The following MICU1 variants were observed in gnomAD, a reference collection of about 807,000 sequenced individuals.
MICU1 encodes the protein mitochondrial calcium uptake 1.
In MICU1, 45 loss-of-function variants were observed where a neutral mutation model predicts 56.8. The ratio of observed to expected loss-of-function variants is 0.79; its 90% CI spans 0.62 to 1.02. The LOEUF (loss-of-function observed/expected upper bound fraction) is 1.02. Ranked by LOEUF, MICU1 falls within the 50% of genes least tolerant of loss-of-function variation. The pLI is 0.00. For synonymous variants in MICU1, 186 were observed against 195.1 expected (o/e 0.95, Z 0.39); for missense variants, 504 against 587.1 (o/e 0.86, Z 1.46).
intron 5 of MICU1, among the ~76,000 whole-genome samples, chr10:72,525,282 T>C (rs1420134999): frequency 1.3e-5 from 2 of 152,048 alleles, no homozygotes; most frequent in African/African-American, 4.8e-5. Context: ...TTTCAATAAA[T>C]AAACTTCACT....
intron 1 of MICU1, among the ~76,000 whole-genome samples, chr10:72,592,572 TAA>T (rs1436900857): frequency 1.3e-5 from 2 of 152,100 alleles, no homozygotes; most frequent in East Asian, 3.8e-4. Context: ...GTAAAAATCC[TAA>T]ACAAAATACC....
intron 8 of MICU1, among the ~76,000 whole-genome samples, chr10:72,431,094 G>A (rs367565086): frequency 0.018 from 2,590 of 141,434 alleles, 33 homozygotes; most frequent in African/African-American, 0.039. Flanking sequence ...TTATCTGTCT[G>A]TCTATCTATC....
chr10:72,552,858 T>C (rs969437339), intron 3 of MICU1, among the ~76,000 whole-genome samples: 27 of 152,102 alleles, frequency 1.8e-4, no homozygotes, highest in African/African-American at 5.8e-4. Flanking sequence ...CCAGCCTTTA[T>C]TGATATTTTA....
At chr10:72,450,102 GT>G (rs1041207186) in intron 8 of MICU1, among the ~76,000 whole-genome samples, 1 of 152,076 alleles carries the variant, frequency 6.6e-6, no homozygotes, top group African/African-American at 2.4e-5. Context: ...CTCAGGGAGT[GT>G]TTGCAGAGAG....
At chr10:72,487,275 G>C (rs1353633420) in intron 6 of MICU1, among the ~76,000 whole-genome samples, 3 of 151,952 alleles carry the variant, frequency 2.0e-5, no homozygotes, top group Admixed American at 2.0e-4. Flanking sequence ...CATCTCAATT[G>C]GTTTAGCACA....
At chr10:72,497,115 G>A (rs572939507) in intron 6 of MICU1, among the ~76,000 whole-genome samples, 28 of 151,514 alleles carry the variant, frequency 1.8e-4, no homozygotes, top group Non-Finnish European at 3.8e-4. Context: ...GCTGGAGTGT[G>A]GTGGCGCCAT....
At chr10:72,382,557 G>C (rs1279979687) in intron 10 of MICU1, among the ~76,000 whole-genome samples, 1 of 152,136 alleles carries the variant, frequency 6.6e-6, no homozygotes, top group Non-Finnish European at 1.5e-5. Flanking sequence ...GAAGGTGCAG[G>C]GGGTGAGTAC....
At chr10:72,559,597 G>C (rs1218960476) in intron 3 of MICU1, among the ~76,000 whole-genome samples, 1 of 152,120 alleles carries the variant, frequency 6.6e-6, no homozygotes, top group African/African-American at 2.4e-5. Context: ...AGGCCAAGGT[G>C]GGAGGATTGC....
intron 1 of MICU1, among the ~76,000 whole-genome samples, chr10:72,622,400 C>T (rs971188110): frequency 6.6e-6 from 1 of 152,134 alleles, no homozygotes; most frequent in African/African-American, 2.4e-5. Flanking sequence ...CCTCTCCTTC[C>T]CACTCCAGGA....
At chr10:72,446,366 C>T (rs1308300881) in intron 8 of MICU1, among the ~76,000 whole-genome samples, 4 of 152,212 alleles carry the variant, frequency 2.6e-5, no homozygotes, top group Admixed American at 1.3e-4. Context: ...CTCACTCTGT[C>T]GCCCAGCAGG....
intron 1 of MICU1, among the ~76,000 whole-genome samples, chr10:72,609,100 C>T (rs1031581899): frequency 8.5e-5 from 13 of 152,098 alleles, no homozygotes; most frequent in African/African-American, 3.1e-4. Context: ...GCATATGCTA[C>T]AATATGGATA....
chr10:72,598,261 CT>C (rs879664359), intron 1 of MICU1, among the ~76,000 whole-genome samples: 47 of 146,352 alleles, frequency 3.2e-4, no homozygotes, highest in East Asian at 3.0e-3. Flanking sequence ...AAAATATATT[CT>C]TTTTTTTTTT....
At chr10:72,600,636 G>A (rs1841502863) in intron 1 of MICU1, among the ~76,000 whole-genome samples, 1 of 126,070 alleles carries the variant, frequency 7.9e-6, no homozygotes. Context: ...GTGACAGAGA[G>A]AGACTCCGTC....
At chr10:72,570,690 CA>C (rs1164907346) in intron 1 of MICU1, among the ~76,000 whole-genome samples, 2 of 152,132 alleles carry the variant, frequency 1.3e-5, no homozygotes, top group Non-Finnish European at 2.9e-5. Context: ...CTCATATAGA[CA>C]AAATGGAAAA....
chr10:72,423,897 T>A (rs1864261063), intron 8 of MICU1, among the ~76,000 whole-genome samples: 1 of 152,194 alleles, frequency 6.6e-6, no homozygotes, highest in African/African-American at 2.4e-5. Context: ...AGCAATAAAA[T>A]GTTAGGACAT....
intron 5 of MICU1, among the ~76,000 whole-genome samples, chr10:72,514,559 T>C (rs1867587357): frequency 6.6e-6 from 1 of 152,200 alleles, no homozygotes; most frequent in Non-Finnish European, 1.5e-5. Flanking sequence ...ACCTTTGTCA[T>C]AGGTCGTCAC....
At chr10:72,609,741 A>G (rs1237807917) in intron 1 of MICU1, among the ~76,000 whole-genome samples, 1 of 151,130 alleles carries the variant, frequency 6.6e-6, no homozygotes, top group African/African-American at 2.4e-5. Context: ...CTCAAAAAAA[A>G]AAAAAAAATG....
At chr10:72,623,788 G>A (rs1488081326) in intron 1 of MICU1, among the ~76,000 whole-genome samples, 3 of 151,724 alleles carry the variant, frequency 2.0e-5, no homozygotes, top group Non-Finnish European at 2.9e-5. Context: ...GCAGTGAGCC[G>A]AGATCACACC....
intron 9 of MICU1, among the ~76,000 whole-genome samples, chr10:72,416,113 G>A (rs1286614259): frequency 6.6e-6 from 1 of 152,138 alleles, no homozygotes; most frequent in East Asian, 1.9e-4. Context: ...AAGCTCTGAA[G>A]TAGGCTCTCT....
Sources: allele counts gnomAD v4.1 joint callset (sites outside exome capture counted in the v4.1 genomes callset), GRCh38; gene constraint gnomAD v4.1.1; transcripts MANE v1.5; gene names NCBI Gene and HGNC (gene_info 2026-07-23, HGNC 2026-07-21).